Variants in SUGP2 observed in about 807,000 individuals in gnomAD.
SUGP2 encodes the protein SURP and G-patch domain-containing protein 2.
A neutral mutation model predicts 90.5 loss-of-function variants in SUGP2; 24 were observed. The ratio of observed to expected loss-of-function variants is 0.27; its 90% CI spans 0.19 to 0.37. The LOEUF (loss-of-function observed/expected upper bound fraction) is 0.37. Ranked by LOEUF, SUGP2 falls within the 10% of genes least tolerant of loss-of-function variation. The pLI is 1.00. For synonymous variants in SUGP2, 473 were observed against 513.4 expected, an observed-to-expected ratio of 0.92 and a Z score of 1.06; for missense variants, 1,233 against 1,363.3, an observed-to-expected ratio of 0.90 and a Z score of 1.51.
At chr19:18,994,195 G>T in intron 10 of SUGP2, 171 bp downstream of exon 10, 1 of 882,232 alleles carries the variant, frequency 1.1e-6, no homozygotes, top group Non-Finnish European at 1.7e-6. Flanking sequence ...GTAAGAATGG[G>T]GCATATCCAC....
chr19:19,020,205 G>A (rs537590739), intron 3 of SUGP2, among the ~76,000 whole-genome samples: 17 of 151,820 alleles, frequency 1.1e-4, no homozygotes, highest in African/African-American at 3.6e-4. Flanking sequence ...CAAGGCAGGC[G>A]GATCACGAGG....
intron 6 of SUGP2, 131 bp downstream of exon 6, chr19:19,008,180 TGTGGTC>T: frequency 1.3e-6 from 1 of 756,576 alleles, no homozygotes; most frequent in Non-Finnish European, 2.4e-6. Context: ...GGAGCACACC[TGTGGTC>T]CCAGCTACTC....
At chr19:19,017,206 A>G (rs948159242) in intron 4 of SUGP2, among the ~76,000 whole-genome samples, 2 of 152,216 alleles carry the variant, frequency 1.3e-5, no homozygotes, top group African/African-American at 4.8e-5. Context: ...AGAAAACAAA[A>G]GAGGGCACAG....
At chr19:19,023,316 GT>G (rs999990888) in intron 3 of SUGP2, among the ~76,000 whole-genome samples, 4 of 152,126 alleles carry the variant, frequency 2.6e-5, no homozygotes, top group African/African-American at 9.7e-5. Flanking sequence ...AGGGGTGACT[GT>G]TTTTTTGTTT....
chr19:19,009,590 CCT>C (rs1341588198), intron 5 of SUGP2, among the ~76,000 whole-genome samples: 1 of 152,168 alleles, frequency 6.6e-6, no homozygotes, highest in Non-Finnish European at 1.5e-5. Context: ...GCAGCAGGAC[CCT>C]GTCGGGGAGC....
chr19:19,010,397 A>G lies in SUGP2; in HGVS notation c.1851-55T>C, dbSNP rs2058264860. 2.5e-6 allele frequency: 4 copies of G among 1,575,824 alleles called. No homozygotes were observed. The South Asian group carries it at 3.5e-5, about 14-fold the overall frequency. On this transcript the variant is annotated intron_variant, in intron 4 of 10. Coordinates refer to ENST00000452918, the MANE Select transcript of SUGP2 (RefSeq NM_001017392.5). ...TTTATGAAAACACCACCAGGTCCCA[A>G]ATTGTTCCTTCAAACACAAACCCTT... is the stretch of plus-strand genomic sequence containing the variant.
At chr19:19,029,902 C>T (rs1477517063) in intron 2 of SUGP2, among the ~76,000 whole-genome samples, 1 of 151,442 alleles carries the variant, frequency 6.6e-6, no homozygotes, top group African/African-American at 2.4e-5. Flanking sequence ...AAAATCACGT[C>T]ACTGCACTCC....
At chr19:19,031,234 T>A in intron 1 of SUGP2, 152 bp from the exon 2 acceptor site, 1 of 750,376 alleles carries the variant, frequency 1.3e-6, no homozygotes, top group African/African-American at 1.8e-5. Flanking sequence ...ATGATGAAAC[T>A]AAAATACAAA....
chr19:19,008,505 G>T, intron 5 of SUGP2, 77 bp from the exon 6 acceptor site: 1 of 1,190,370 alleles, frequency 8.4e-7, no homozygotes, highest in Non-Finnish European at 1.3e-6. Flanking sequence ...GGTTGTGGAG[G>T]CTGATTATAA....
At chr19:19,020,947 G>A (rs973657474) in intron 3 of SUGP2, among the ~76,000 whole-genome samples, 2 of 151,872 alleles carry the variant, frequency 1.3e-5, no homozygotes, top group African/African-American at 4.8e-5. Context: ...ATCACCTGAG[G>A]TCAGGAGTTC....
intron 4 of SUGP2, among the ~76,000 whole-genome samples, chr19:19,014,045 G>C (rs531552252): frequency 6.6e-6 from 1 of 152,190 alleles, no homozygotes; most frequent in Non-Finnish European, 1.5e-5. Flanking sequence ...CCAGGCTGGA[G>C]TGCAGTGGTG....
Position 19,011,054 on chromosome 19 carries a change from T to C in SUGP2, c.1851-712A>G, listed in dbSNP as rs181286952. On this transcript the variant is annotated intron_variant, in intron 4 of 10. Transcript: ENST00000452918. ...CTGGAGGCTAAGGTGGGAGGATCAC[T>C]TGAGCCCAGGAAGTCGAGAGGCTGT... is the stretch of plus-strand genomic sequence containing the variant. Among the ~76,000 whole-genome samples the C allele has an allele frequency of 1.0e-3, 151 of 151,514 alleles. 2 individuals carry two copies. The highest frequency in any genetic ancestry group is 8.9e-3 in the Admixed American group (136 of 15,196).
At chr19:19,002,183 C>A (rs897029161) in intron 7 of SUGP2, among the ~76,000 whole-genome samples, 4 of 152,106 alleles carry the variant, frequency 2.6e-5, no homozygotes, top group African/African-American at 9.7e-5. Flanking sequence ...AGTTCGAGAC[C>A]AGCCTGGCCA....
At chr19:19,031,921 G>A (rs2059174756) in intron 1 of SUGP2, among the ~76,000 whole-genome samples, 2 of 150,460 alleles carry the variant, frequency 1.3e-5, no homozygotes, top group Non-Finnish European at 3.0e-5. Context: ...ACCTTGTCTG[G>A]ACTCTTTTAA....
At chr19:18,994,532 C>T in intron 9 of SUGP2, 46 bp from the exon 10 acceptor site, 1 of 1,604,990 alleles carries the variant, frequency 6.2e-7, no homozygotes. Flanking sequence ...AGCCCAGGGC[C>T]TGGCATGCCA....
Position 19,026,188 on chromosome 19 carries a change from A to C in SUGP2, c.160T>G (p.Tyr54Asp), listed in dbSNP as rs1421105861. ...CTGCCATCGCTGTGGACGTCATCAT[A>C]CATCTCTGCTCTGGATCTTGGGACT... ...RAVPRSRAEM[Y>D]DDVHSDGRYS... Residue 54 changes from tyrosine (Y) to aspartate (D), a missense_variant, in exon 3 of 11, where the codon TAT becomes GAT. By Grantham distance (160) the Tyr-to-Asp change is radical. This residue lies in a region of SUGP2 where 418 missense variants were observed against 399.9 expected (regional missense o/e 1.05). Transcript: ENST00000452918. 6.2e-7 allele frequency: 1 copy of C among 1,610,968 alleles called. No individual in the cohort carries two copies. Among genetic ancestry groups the C allele is most frequent in the Admixed American group, 1.7e-5 (1 of 59,680 alleles).
intron 4 of SUGP2, among the ~76,000 whole-genome samples, chr19:19,013,852 AG>A (rs1396238456): frequency 6.6e-6 from 1 of 152,218 alleles, no homozygotes; most frequent in Non-Finnish European, 1.5e-5. Context: ...ATATTCCTTC[AG>A]CTTTATATCC....
intron 3 of SUGP2, among the ~76,000 whole-genome samples, chr19:19,022,002 T>G (rs924040392): frequency 6.6e-6 from 1 of 152,032 alleles, no homozygotes; most frequent in Non-Finnish European, 1.5e-5. Context: ...TTTCTTTTTT[T>G]GGAGACAGAG....
intron 3 of SUGP2, 131 bp downstream of exon 3, chr19:19,024,488 T>C: frequency 2.0e-6 from 2 of 995,880 alleles, no homozygotes; most frequent in Non-Finnish European, 2.9e-6. Flanking sequence ...TTGGCCAATG[T>C]GCGTTTTCTA....
Sources: allele counts gnomAD v4.1 joint callset (sites outside exome capture counted in the v4.1 genomes callset), GRCh38; gene constraint gnomAD v4.1.1; regional missense constraint gnomAD v4.1.1; transcripts MANE v1.5; gene names NCBI Gene and HGNC (gene_info 2026-07-23, HGNC 2026-07-21).